DNAJC6: variants seen among roughly 807,000 people sequenced by gnomAD.
The protein encoded by DNAJC6 is auxilin.
Under a neutral mutation model 110.0 loss-of-function variants are expected in DNAJC6, and 34 were observed. The ratio of observed to expected loss-of-function variants is 0.31; its 90% confidence interval spans 0.24 to 0.41. DNAJC6 has a LOEUF of 0.41. DNAJC6 is among the 10% of genes least tolerant of loss of function. DNAJC6 has a pLI of 1.00. For missense variants in DNAJC6, 1,031 were observed against 1,207.8 expected (o/e 0.85, Z 2.17); for synonymous variants, 406 against 437.2 (o/e 0.93, Z 0.89).
intron 4 of DNAJC6, among the ~76,000 whole-genome samples, chr1:65,367,260 G>A (rs975734180): frequency 6.6e-6 from 1 of 152,088 alleles, no homozygotes; most frequent in African/African-American, 2.4e-5. Flanking sequence ...AGCTTCCTGG[G>A]GGCTGCTCCT....
rs1646141873 is a variant in DNAJC6 at position 65,412,933 on chromosome 1, C to A, written c.2821C>A (p.Gln941Lys). 4 of 1,613,658 alleles carry A rather than the reference C, an allele frequency of 2.5e-6. No homozygotes were observed. Among genetic ancestry groups the A allele is most frequent in the East Asian group, 2.2e-5 (1 of 44,870 alleles). ...LVVHPDKATG[Q>K]PYEQYAKMIF... ...TTTGTTTTCTCTACAGGCTACTGGG[C>A]AACCCTATGAACAATACGCAAAGAT... The change falls in exon 19 of 19, where the codon CAA becomes AAA. Residue 941 changes from glutamine to lysine, a missense_variant. Coordinates refer to ENST00000371069, the MANE Select transcript of DNAJC6 (RefSeq NM_001256864.2).
In DNAJC6 at chr1:65,408,789, T is replaced by G. The variant is rs368037762; in HGVS notation, c.2634+6T>G. 8.7e-6 allele frequency: 14 copies of G among 1,611,820 alleles called. No homozygotes were observed. In the African/African-American group the frequency reaches 1.6e-4, roughly 19 times the overall value. ...TGGATCCTGAGAAATTAAAGGTGAG[T>G]GAGGCCCCTGACGCAGCTTGATTAT... is the stretch of plus-strand genomic sequence containing the variant. On this transcript the variant is annotated splice_donor_region_variant and intron_variant, in intron 17 of 18. Transcript: ENST00000371069.
At chr1:65,339,045 A>T (rs1645363993) in intron 1 of DNAJC6, among the ~76,000 whole-genome samples, 1 of 152,176 alleles carries the variant, frequency 6.6e-6, no homozygotes, top group South Asian at 2.1e-4. Context: ...TTTGGCTGTC[A>T]GTAGACTGTG....
At chr1:65,335,748 G>C (rs1195266383) in intron 1 of DNAJC6, among the ~76,000 whole-genome samples, 1 of 152,176 alleles carries the variant, frequency 6.6e-6, no homozygotes, top group Non-Finnish European at 1.5e-5. Context: ...TGTTCCTATA[G>C]AGCCTTGTAG....
At chr1:65,309,335 G>A (rs1570257699), upstream of DNAJC6, among the ~76,000 whole-genome samples, 1 of 112,118 alleles carries the variant, frequency 8.9e-6, no homozygotes, top group East Asian at 3.2e-4. Context: ...TTCCCTCCCC[G>A]CGGGCCAGCG....
chr1:65,413,174 T>A lies in DNAJC6; in HGVS notation c.*149T>A. On this transcript the variant is annotated 3_prime_UTR_variant, in exon 19 of 19. Coordinates refer to ENST00000371069, the MANE Select transcript of DNAJC6 (RefSeq NM_001256864.2). The stretch of plus-strand genomic sequence containing the variant: ...TACTCATGAATTAATTTCTCATTGA[T>A]AAGGAATGTGGATGTTTGGTTTCTC... 1 of 629,446 alleles carries A rather than the reference T, an allele frequency of 1.6e-6. No individual in the cohort carries two copies. Among genetic ancestry groups the A allele is most frequent in the South Asian group, 2.0e-5 (1 of 49,408 alleles). The allele number at this position is 629,446 out of a possible 1,614,324, so 39.0% of individuals were successfully genotyped here.
At chr1:65,359,033 GC>G (rs1645573986) in intron 1 of DNAJC6, among the ~76,000 whole-genome samples, 1 of 152,072 alleles carries the variant, frequency 6.6e-6, no homozygotes, top group South Asian at 2.1e-4. Flanking sequence ...TTTGTCCACG[GC>G]TAAGAAATCA....
intron 1 of DNAJC6, among the ~76,000 whole-genome samples, chr1:65,347,566 C>T (rs12729352): frequency 0.13 from 19,156 of 151,804 alleles, 2,168 homozygotes; most frequent in African/African-American, 0.29. Flanking sequence ...TGTAATGCAA[C>T]GTATTTTAAT....
At chr1:65,390,721 C>T (rs1461054643) in intron 11 of DNAJC6, among the ~76,000 whole-genome samples, 2 of 152,178 alleles carry the variant, frequency 1.3e-5, no homozygotes, top group Non-Finnish European at 2.9e-5. Flanking sequence ...CCATCGCCTG[C>T]AGGCTTCAGT....
chr1:65,399,892 T>A (rs1265081328), intron 14 of DNAJC6, among the ~76,000 whole-genome samples: 1 of 152,150 alleles, frequency 6.6e-6, no homozygotes, highest in Admixed American at 6.6e-5. Flanking sequence ...TTTAAAAATT[T>A]TTTTTGGCTG....
chr1:65,277,416 G>A (rs1465013641), intron 1 of DNAJC6, among the ~76,000 whole-genome samples: 1 of 152,082 alleles, frequency 6.6e-6, no homozygotes, highest in African/African-American at 2.4e-5. Context: ...ATACTTTTGT[G>A]ATTTTATGAT....
intron 1 of DNAJC6, among the ~76,000 whole-genome samples, chr1:65,351,359 G>A (rs1255123063): frequency 6.6e-6 from 1 of 152,136 alleles, no homozygotes; most frequent in East Asian, 1.9e-4. Flanking sequence ...GTGGAAATCA[G>A]GAATATGCAT....
intron 1 of DNAJC6, among the ~76,000 whole-genome samples, chr1:65,285,406 A>G (rs1653983685): frequency 6.6e-6 from 1 of 152,118 alleles, no homozygotes; most frequent in South Asian, 2.1e-4. Context: ...GTCAACTGAA[A>G]TTTATTCTTT....
chr1:65,341,045 A>G (rs940032446), intron 1 of DNAJC6, among the ~76,000 whole-genome samples: 1 of 151,988 alleles, frequency 6.6e-6, no homozygotes, highest in African/African-American at 2.4e-5. Flanking sequence ...GGGTTATGCA[A>G]CCTCTCTGAG....
At chr1:65,401,619 AG>A in intron 14 of DNAJC6, 141 bp from the exon 15 acceptor site, 1 of 1,165,676 alleles carries the variant, frequency 8.6e-7, no homozygotes, top group East Asian at 2.6e-5. Flanking sequence ...TCAGGGAAAC[AG>A]GGTCTAGCAA....
chr1:65,306,972 T>TTCTCTCTCTCTC (rs144458447), upstream of DNAJC6, among the ~76,000 whole-genome samples: 1 of 90,392 alleles, frequency 1.1e-5, no homozygotes, highest in South Asian at 4.2e-4. Flanking sequence ...CTCAATCTGT[T>TTCTCTCTCTCTC]TCTCTCTCTC....
chr1:65,399,026 C>G, intron 14 of DNAJC6, 145 bp downstream of exon 14: 1 of 805,536 alleles, frequency 1.2e-6, no homozygotes, highest in South Asian at 1.7e-5. Flanking sequence ...TCTAGAAGAG[C>G]TTTTCCCAAT....
Position 65,264,962 on chromosome 1 carries a change from A to G in DNAJC6, c.-131+30A>G, listed in dbSNP as rs1166844783. 4 of 1,607,294 alleles carry G rather than the reference A, an allele frequency of 2.5e-6. No individual in the cohort carries two copies. In the Admixed American group the frequency reaches 5.0e-5, roughly 20 times the overall value. On this transcript the variant is annotated intron_variant, in intron 1 of 19. Transcript: ENST00000263441. ...GGGGCGGACTGCAGAAAGATGGCTAAGAGAGGGCTAAAGGCTAAAAGATGC... is the reference window on the plus strand; with the variant it reads ...GGGGCGGACTGCAGAAAGATGGCTAGGAGAGGGCTAAAGGCTAAAAGATGC...
intron 1 of DNAJC6, among the ~76,000 whole-genome samples, chr1:65,356,103 C>A (rs951794192): frequency 4.6e-5 from 7 of 152,002 alleles, no homozygotes; most frequent in African/African-American, 1.5e-4. Flanking sequence ...TATTTTAATA[C>A]AGGTTGCCTT....
Sources: gnomAD v4.1 joint callset for allele counts (sites outside exome capture counted in the v4.1 genomes callset) on GRCh38, gnomAD v4.1.1 for gene constraint, MANE v1.5 for transcripts, NCBI Gene and HGNC (gene_info 2026-07-23, HGNC 2026-07-21) for gene names.